Variants in TNFRSF10A observed in about 807,000 individuals in gnomAD.
TNFRSF10A encodes the protein tumor necrosis factor receptor superfamily member 10A.
TNFRSF10A carries 44 observed loss-of-function variants against 42.8 expected under a neutral mutation model. The observed-to-expected ratio is 1.03, with a 90% CI of 0.81 to 1.32. TNFRSF10A has a LOEUF of 1.32. TNFRSF10A is among the 40% of genes most tolerant of loss of function. TNFRSF10A has a pLI of 0.00. For synonymous variants in TNFRSF10A, 259 were observed against 234.2 expected (o/e 1.11, Z -0.97); for missense variants, 680 against 602.0 (o/e 1.13, Z -1.36).
At chr8:23,215,384 T>C (rs1356463091) in intron 1 of TNFRSF10A, among the ~76,000 whole-genome samples, 1 of 152,104 alleles carries the variant, frequency 6.6e-6, no homozygotes, top group Admixed American at 6.5e-5. Flanking sequence ...GGTGGGCACC[T>C]GTAATCCCAG....
chr8:23,196,273 A>C (rs1195942409), intron 9 of TNFRSF10A, among the ~76,000 whole-genome samples: 2 of 152,110 alleles, frequency 1.3e-5, no homozygotes, highest in Non-Finnish European at 2.9e-5. Flanking sequence ...GGCTCACTGC[A>C]AGCTCTGCCT....
At chr8:23,220,003 T>C (rs1801235882) in intron 1 of TNFRSF10A, among the ~76,000 whole-genome samples, 1 of 152,194 alleles carries the variant, frequency 6.6e-6, no homozygotes, top group Admixed American at 6.5e-5. Context: ...CTCTGAGCTT[T>C]GGTCCTCTCC....
At chr8:23,219,962 G>C (rs779947133) in intron 1 of TNFRSF10A, among the ~76,000 whole-genome samples, 25 of 152,070 alleles carry the variant, frequency 1.6e-4, no homozygotes, top group Non-Finnish European at 1.9e-4. Context: ...GTGCACACAC[G>C]TTCCCCCTCT....
Position 23,200,681 on chromosome 8 carries a change from T to C in TNFRSF10A, c.703+6A>G. 6.2e-7 allele frequency: 1 copy of C among 1,614,072 alleles called. No homozygotes were observed. The highest frequency in any genetic ancestry group is 8.5e-7 in the Non-Finnish European group (1 of 1,180,000). Reference sequence around the variant, plus strand: ...GCAGCTGGGGCTTCCCCAGTGGGCTTTGTACCTGATTCTTTGTGGACACAC... The same window carrying C: ...GCAGCTGGGGCTTCCCCAGTGGGCTCTGTACCTGATTCTTTGTGGACACAC... On this transcript the variant is annotated splice_donor_region_variant and intron_variant, in intron 5 of 9. Coordinates refer to ENST00000221132, the MANE Select transcript of TNFRSF10A (RefSeq NM_003844.4).
At chr8:23,220,067 G>T (rs937599864) in intron 1 of TNFRSF10A, among the ~76,000 whole-genome samples, 6 of 152,132 alleles carry the variant, frequency 3.9e-5, no homozygotes, top group Admixed American at 1.3e-4. Flanking sequence ...AGTGTCTGAG[G>T]TGCCGAGTGC....
chr8:23,210,538 T>C (rs1444188121), intron 2 of TNFRSF10A, among the ~76,000 whole-genome samples: 2 of 151,912 alleles, frequency 1.3e-5, no homozygotes, highest in Admixed American at 1.3e-4. Flanking sequence ...AAAAATTAGC[T>C]GGGCGTGGTG....
At chr8:23,197,263 G>A (rs911832113) in intron 8 of TNFRSF10A, 59 bp from the exon 9 acceptor site, 21 of 1,601,418 alleles carry the variant, frequency 1.3e-5, no homozygotes, top group Non-Finnish European at 1.5e-5. Context: ...GTCTAGTACT[G>A]ACTCTGACCA....
At chr8:23,219,835 T>C (rs1325500338) in intron 1 of TNFRSF10A, among the ~76,000 whole-genome samples, 1 of 152,192 alleles carries the variant, frequency 6.6e-6, no homozygotes, top group Non-Finnish European at 1.5e-5. Flanking sequence ...CACAAATATA[T>C]TACCAACAAA....
At chr8:23,221,719 C>T (rs540724614) in intron 1 of TNFRSF10A, among the ~76,000 whole-genome samples, 1 of 152,328 alleles carries the variant, frequency 6.6e-6, no homozygotes, top group Admixed American at 6.5e-5. Context: ...TCTAGGTCAT[C>T]TACTCCCAGT....
Position 23,224,898 on chromosome 8 carries a change from A to C in TNFRSF10A, c.164T>G (p.Leu55Arg). 1 of 1,593,010 alleles carries C rather than the reference A, an allele frequency of 6.3e-7. No homozygotes were observed. The highest frequency in any genetic ancestry group is 8.5e-7 in the Non-Finnish European group (1 of 1,170,192). The change falls in exon 1 of 10, where the codon CTC (leucine) becomes CGC (arginine). Residue 55 changes from leucine to arginine, a missense_variant. Physicochemically the swap from Leu to Arg is moderately radical, Grantham distance 102. Coordinates refer to ENST00000221132, the MANE Select transcript of TNFRSF10A (RefSeq NM_003844.4). Reference protein sequence around the residue: ...IEPRGGGRGALPTSMGQHGPS... With the variant: ...IEPRGGGRGARPTSMGQHGPS... ...TCCGTGCTGTCCCATGGAGGTAGGG[A>C]GCGCTCCTCGGCCCCCGCCTCGTGG...
intron 2 of TNFRSF10A, among the ~76,000 whole-genome samples, chr8:23,209,222 T>A (rs933542485): frequency 6.6e-6 from 1 of 152,178 alleles, no homozygotes; most frequent in South Asian, 2.1e-4. Flanking sequence ...TCAGAAGATG[T>A]ATGAAAACGC....
intron 7 of TNFRSF10A, 131 bp downstream of exon 7, chr8:23,199,755 C>T: frequency 1.6e-6 from 2 of 1,289,392 alleles, no homozygotes; most frequent in Non-Finnish European, 2.2e-6. Context: ...AGTCAATGCA[C>T]AGCATCCAGG....
intron 2 of TNFRSF10A, among the ~76,000 whole-genome samples, chr8:23,210,267 C>A (rs1801076333): frequency 6.6e-6 from 1 of 152,158 alleles, no homozygotes; most frequent in Admixed American, 6.5e-5. Context: ...ATACAATTAG[C>A]TTAATATGAA....
chr8:23,201,394 T>C (rs1383192802), intron 4 of TNFRSF10A, among the ~76,000 whole-genome samples: 2 of 152,168 alleles, frequency 1.3e-5, no homozygotes, highest in East Asian at 1.9e-4. Context: ...AAAGCAAATA[T>C]TAAAAATTAC....
chr8:23,202,708 C>CCA lies in TNFRSF10A; in HGVS notation c.455_456dup (p.Gly153TrpfsTer91), dbSNP rs1800949578. On this transcript the variant is annotated frameshift_variant, in exon 3 of 10. Transcript: ENST00000221132. LOFTEE classifies it high-confidence loss of function. ...AAATTGTTGGAAGCATTGGTGTAAC[C>CCA]CACACCCTCTGTGCACCGGTTACAG... The CCA allele has an allele frequency of 6.2e-7, 1 of 1,613,876 alleles. No homozygotes were observed. The highest frequency in any genetic ancestry group is 1.3e-5 in the African/African-American group (1 of 74,894).
rs140664520 is a variant in TNFRSF10A, at chr8:23,191,829, C to T, written c.1272G>A (p.Ser424=). 5.6e-5 allele frequency: 90 copies of T among 1,613,654 alleles called. No individual in the cohort carries two copies. Among genetic ancestry groups the T allele is most frequent in the African/African-American group, 4.4e-4 (33 of 74,808 alleles). ...CCAAGGCATCCAGCAGGGTGTGGAT[C>T]GAGGCGTTCCGTCCAGTTTTGTTGA... ...KWVNKTGRNA[S]IHTLLDALER... is the part of the protein sequence containing the mutation. Residue 424 remains serine (S), a synonymous_variant, in exon 10 of 10, where the codon TCG becomes TCA. Coordinates refer to ENST00000221132, the MANE Select transcript of TNFRSF10A (RefSeq NM_003844.4).
intron 9 of TNFRSF10A, among the ~76,000 whole-genome samples, chr8:23,195,371 TA>T (rs1800808291): frequency 6.6e-6 from 1 of 152,232 alleles, no homozygotes. Context: ...AGCCTTTAAG[TA>T]TACTTTAAGT....
At chr8:23,192,117 A>G in intron 9 of TNFRSF10A, 104 bp from the exon 10 acceptor site, 2 of 1,495,456 alleles carry the variant, frequency 1.3e-6, no homozygotes, top group Non-Finnish European at 1.8e-6. Flanking sequence ...GAACCTGGAG[A>G]GCCCCCTGCA....
intron 2 of TNFRSF10A, among the ~76,000 whole-genome samples, chr8:23,208,363 T>G (rs1050951980): frequency 1.3e-5 from 2 of 152,196 alleles, no homozygotes; most frequent in Non-Finnish European, 2.9e-5. Context: ...CATTCAGTTT[T>G]TTTGTTTATT....
Sources: allele counts gnomAD v4.1 joint callset (sites outside exome capture counted in the v4.1 genomes callset), GRCh38; gene constraint gnomAD v4.1.1; transcripts MANE v1.5; gene names NCBI Gene and HGNC (gene_info 2026-07-23, HGNC 2026-07-21).